EXOC6B: variants seen among roughly 807,000 people sequenced by gnomAD.
The protein encoded by EXOC6B is exocyst complex component 6B, also known as SEC15 homolog B.
A neutral mutation model predicts 113.5 loss-of-function variants in EXOC6B; 54 were observed. That is an observed-to-expected ratio of 0.48 (90% CI 0.38 to 0.60). The LOEUF is 0.60. Among genes scored for constraint, EXOC6B ranks in the 20% least tolerant of loss-of-function variants. EXOC6B has a pLI of 0.00. For missense variants in EXOC6B, 797 were observed against 977.5 expected (o/e 0.82, Z 2.46); for synonymous variants, 357 against 339.0 (o/e 1.05, Z -0.58).
At chr2:72,406,855 G>A (rs1333364167) in intron 18 of EXOC6B, among the ~76,000 whole-genome samples, 1 of 152,124 alleles carries the variant, frequency 6.6e-6, no homozygotes, top group African/African-American at 2.4e-5. Context: ...ACTAAGATCA[G>A]AGCAGAACTG....
intron 8 of EXOC6B, among the ~76,000 whole-genome samples, chr2:72,533,282 G>A (rs1020774883): frequency 6.6e-6 from 1 of 152,142 alleles, no homozygotes; most frequent in Non-Finnish European, 1.5e-5. Flanking sequence ...AGCAGTATTA[G>A]CACCTGCCCC....
At position 72,649,932 on chromosome 2, in the gene EXOC6B, T is replaced by C. The variant is rs374508816; in HGVS notation, c.669+68171A>G. On this transcript the variant is annotated intron_variant, in intron 6 of 21. Transcript: ENST00000272427. ...TGCCAAAATAAATTAATCATAGATA[T>C]AAATGTAAAACAAAAACCTGAAAAC... Among the ~76,000 whole-genome samples the C allele has an allele frequency of 1.5e-4, 23 of 152,204 alleles. 2 individuals are homozygous for C. Among genetic ancestry groups the C allele is most frequent in the African/African-American group, 4.6e-4 (19 of 41,530 alleles).
chr2:72,386,648 C>G (rs1056565560), intron 18 of EXOC6B, among the ~76,000 whole-genome samples: 1 of 152,170 alleles, frequency 6.6e-6, no homozygotes, highest in Non-Finnish European at 1.5e-5. Flanking sequence ...TAAGCCTTGG[C>G]AGCTTTCATG....
Position 72,418,274 on chromosome 2 carries a change from C to T in EXOC6B, c.1981-38404G>A, listed in dbSNP as rs533406408. ...TCGTACAAACATCACCAACATCCAT[C>T]TCCATAACACTTTCCATTTTGCAAA... is the stretch of plus-strand genomic sequence containing the variant. On this transcript the variant is annotated intron_variant, in intron 18 of 21. Coordinates refer to ENST00000272427, the MANE Select transcript of EXOC6B (RefSeq NM_015189.3). Among the ~76,000 whole-genome samples, 220 of 152,266 alleles carry T rather than the reference C, an allele frequency of 1.4e-3. 3 individuals carry two copies. Among genetic ancestry groups the T allele is most frequent in the Non-Finnish European group, 1.2e-3 (84 of 68,000 alleles).
chr2:72,707,328 C>T (rs1246946846), intron 6 of EXOC6B, among the ~76,000 whole-genome samples: 2 of 152,022 alleles, frequency 1.3e-5, no homozygotes, highest in Non-Finnish European at 2.9e-5. Flanking sequence ...CTTCTAAATT[C>T]TCCTAACATT....
chr2:72,524,675 T>C (rs1357190094), intron 8 of EXOC6B, among the ~76,000 whole-genome samples: 1 of 152,204 alleles, frequency 6.6e-6, no homozygotes, highest in Non-Finnish European at 1.5e-5. Flanking sequence ...CCATTCTTCA[T>C]AATGTGCTTA....
At chr2:72,329,824 A>G (rs1688332594) in intron 20 of EXOC6B, among the ~76,000 whole-genome samples, 1 of 152,118 alleles carries the variant, frequency 6.6e-6, no homozygotes, top group African/African-American at 2.4e-5. Context: ...TATTTGTTCA[A>G]CATCTCAAAA....
intron 17 of EXOC6B, among the ~76,000 whole-genome samples, chr2:72,471,874 T>G (rs1369346659): frequency 6.6e-6 from 1 of 152,158 alleles, no homozygotes; most frequent in African/African-American, 2.4e-5. Flanking sequence ...TATGTGGCCT[T>G]TATTATTTTG....
At chr2:72,412,509 A>G (rs1207472963) in intron 18 of EXOC6B, among the ~76,000 whole-genome samples, 1 of 152,170 alleles carries the variant, frequency 6.6e-6, no homozygotes, top group East Asian at 1.9e-4. Flanking sequence ...AATGATTACC[A>G]CAACACTGCT....
chr2:72,631,426 G>GTGTATA (rs1290760055), intron 6 of EXOC6B, among the ~76,000 whole-genome samples: 10 of 28,162 alleles, frequency 3.6e-4, no homozygotes, highest in Admixed American at 2.5e-3. Context: ...GTGTGTGTGT[G>GTGTATA]TATATATATA....
chr2:72,611,235 A>T (rs1671054120), intron 6 of EXOC6B, among the ~76,000 whole-genome samples: 1 of 151,980 alleles, frequency 6.6e-6, no homozygotes, highest in Admixed American at 6.6e-5. Context: ...ATGGTGGCAC[A>T]TGCCTATAAT....
chr2:72,439,313 T>C (rs1170888815), intron 18 of EXOC6B, among the ~76,000 whole-genome samples: 4 of 152,224 alleles, frequency 2.6e-5, no homozygotes, highest in Non-Finnish European at 5.9e-5. Flanking sequence ...TCATGGAAGA[T>C]ACCCTGAAAT....
At chr2:72,589,530 G>GAAA (rs67643057) in intron 6 of EXOC6B, among the ~76,000 whole-genome samples, 4 of 149,198 alleles carry the variant, frequency 2.7e-5, no homozygotes, top group Admixed American at 1.3e-4. Context: ...CACATTCCAG[G>GAAA]AAAAAAAAAA....
intron 6 of EXOC6B, among the ~76,000 whole-genome samples, chr2:72,603,692 A>G (rs537477952): frequency 6.6e-6 from 1 of 152,252 alleles, no homozygotes; most frequent in African/African-American, 2.4e-5. Context: ...TGCTTCAGCC[A>G]TCATTTCCTT....
intron 17 of EXOC6B, among the ~76,000 whole-genome samples, chr2:72,472,827 T>G (rs553570972): frequency 6.6e-6 from 1 of 152,324 alleles, no homozygotes; most frequent in African/African-American, 2.4e-5. Flanking sequence ...TGCTATGAAC[T>G]TCCCTTTTAG....
intron 6 of EXOC6B, among the ~76,000 whole-genome samples, chr2:72,617,148 G>C (rs1261698128): frequency 6.6e-6 from 1 of 152,218 alleles, no homozygotes; most frequent in East Asian, 1.9e-4. Context: ...TCTAATGCCA[G>C]AAGTGGGCTC....
chr2:72,759,623 G>A (rs770501803), intron 1 of EXOC6B, among the ~76,000 whole-genome samples: 14 of 152,096 alleles, frequency 9.2e-5, no homozygotes, highest in South Asian at 2.1e-4. Flanking sequence ...AAAAATCCAC[G>A]TGGGAAAGGG....
At chr2:72,254,062 A>C (rs932488908) in intron 20 of EXOC6B, among the ~76,000 whole-genome samples, 1 of 152,108 alleles carries the variant, frequency 6.6e-6, no homozygotes, top group East Asian at 1.9e-4. Flanking sequence ...CAGGAGGCTG[A>C]GGCAGGAGAA....
At chr2:72,222,102 T>G (rs1363165580) in intron 20 of EXOC6B, among the ~76,000 whole-genome samples, 1 of 152,220 alleles carries the variant, frequency 6.6e-6, no homozygotes, top group Non-Finnish European at 1.5e-5. Flanking sequence ...GAGAATTCAC[T>G]AATGGAATAG....
Sources: gnomAD v4.1 joint callset for allele counts (sites outside exome capture counted in the v4.1 genomes callset) on GRCh38, gnomAD v4.1.1 for gene constraint, MANE v1.5 for transcripts, NCBI Gene and HGNC (gene_info 2026-07-23, HGNC 2026-07-21) for gene names.